CASP9: variants seen among roughly 807,000 people sequenced by gnomAD.
The protein encoded by CASP9 is caspase-9.
In CASP9, 29 loss-of-function variants were observed where a neutral mutation model predicts 43.5. The observed-to-expected ratio is 0.67, with a 90% CI of 0.50 to 0.91. CASP9 has a LOEUF of 0.91. Among genes scored for constraint, CASP9 ranks in the 40% least tolerant of loss-of-function variants. CASP9 has a pLI of 0.00. For synonymous variants in CASP9, 206 were observed against 211.9 expected (o/e 0.97, Z 0.24); for missense variants, 575 against 537.4 (o/e 1.07, Z -0.69).
At chr1:15,515,435 G>A (rs79699805) in intron 2 of CASP9, among the ~76,000 whole-genome samples, 3,393 of 152,204 alleles carry the variant, frequency 0.022, 138 homozygotes, top group African/African-American at 0.077. Context: ...ACCATGCAAT[G>A]GTCCACCAGG....
rs1709580248 is a variant in CASP9, at chr1:15,507,735, G to A, written c.453+138C>T. The A allele has an allele frequency of 2.0e-5, 15 of 751,718 alleles. No homozygotes were observed. The South Asian group carries it at 2.5e-4, about 12-fold the overall frequency. 46.6% of individuals were successfully genotyped at this position (751,718 alleles called of 1,614,324 possible). A position where few individuals can be genotyped will look rare whatever the true frequency, so the allele number is the denominator to read the frequency against. ...GCAGGCGCTGGGCCGGAGTCAGGGA[G>A]GCTGAGACCAGACCCCCACTGCACT... On this transcript the variant is annotated intron_variant, in intron 3 of 8. Transcript: ENST00000333868.
chr1:15,509,460 CAAAAA>C (rs563284288), intron 2 of CASP9, among the ~76,000 whole-genome samples: 1 of 105,668 alleles, frequency 9.5e-6, no homozygotes, highest in Non-Finnish European at 1.9e-5. Context: ...ACTAAAAATA[CAAAAA>C]AAAAAAAAAA....
chr1:15,521,343 T>C (rs1710191104), intron 1 of CASP9, among the ~76,000 whole-genome samples: 1 of 151,792 alleles, frequency 6.6e-6, no homozygotes, highest in Non-Finnish European at 1.5e-5. Flanking sequence ...ACCAGCTTCT[T>C]GTGGGAGGCT....
chr1:15,522,556 T>A (rs933705), intron 1 of CASP9, among the ~76,000 whole-genome samples: 87,798 of 151,650 alleles, frequency 0.58, 25,935 homozygotes, highest in African/African-American at 0.68. Flanking sequence ...AAAAAAAAAA[T>A]TTTTTTTAAT....
intron 1 of CASP9, among the ~76,000 whole-genome samples, chr1:15,522,689 T>C (rs1012200659): frequency 3.3e-5 from 5 of 152,238 alleles, no homozygotes; most frequent in Admixed American, 2.6e-4. Flanking sequence ...CACTCCAGGC[T>C]GGGCAAGAGT....
chr1:15,494,808 AC>A (rs1197921534), intron 7 of CASP9, among the ~76,000 whole-genome samples: 2 of 135,252 alleles, frequency 1.5e-5, no homozygotes, highest in Admixed American at 8.1e-5. Flanking sequence ...GCTTGCAGTG[AC>A]CCAAGATCGC....
At chr1:15,501,457 G>A (rs1275405372) in intron 6 of CASP9, among the ~76,000 whole-genome samples, 1 of 151,932 alleles carries the variant, frequency 6.6e-6, no homozygotes, top group Non-Finnish European at 1.5e-5. Flanking sequence ...GTATTATAGT[G>A]AGTTATAAAA....
chr1:15,518,561 C>G (rs1379752623), intron 1 of CASP9, among the ~76,000 whole-genome samples, 166 bp from the exon 2 acceptor site: 1 of 152,188 alleles, frequency 6.6e-6, no homozygotes, highest in African/African-American at 2.4e-5. Flanking sequence ...CTGATCTGTT[C>G]ATTATTTTGC....
At chr1:15,517,248 G>A (rs1570868350) in intron 2 of CASP9, among the ~76,000 whole-genome samples, 1 of 152,078 alleles carries the variant, frequency 6.6e-6, no homozygotes, top group East Asian at 1.9e-4. Context: ...AAATTAAAAA[G>A]AATGAACTAC....
At chr1:15,509,202 C>G (rs573806245) in intron 2 of CASP9, among the ~76,000 whole-genome samples, 32 of 152,144 alleles carry the variant, frequency 2.1e-4, no homozygotes, top group Non-Finnish European at 3.7e-4. Context: ...TATTATACTT[C>G]CACTCTGAAC....
At chr1:15,498,061 T>C (rs996344105) in intron 6 of CASP9, among the ~76,000 whole-genome samples, 3 of 152,066 alleles carry the variant, frequency 2.0e-5, no homozygotes, top group Non-Finnish European at 4.4e-5. Flanking sequence ...TGGTTTTTTG[T>C]TTTGTTTTGG....
chr1:15,518,863 GTTTT>G (rs1415356955), intron 1 of CASP9, among the ~76,000 whole-genome samples: 2 of 122,804 alleles, frequency 1.6e-5, no homozygotes, highest in East Asian at 2.4e-4. Context: ...GAGTTTTTTG[GTTTT>G]GTTTTTGTTT....
At position 15,491,998 on chromosome 1, in the gene CASP9, C is replaced by T. The variant is rs1471959914; in HGVS notation, c.*945G>A. ...TTCCCTTGGACAAGAGACCTAACCTCCCTGAGCACAGGGTTCTCACCCTTG... is the reference window on the plus strand; with the variant it reads ...TTCCCTTGGACAAGAGACCTAACCTTCCTGAGCACAGGGTTCTCACCCTTG... On this transcript the variant is annotated 3_prime_UTR_variant, in exon 9 of 9. Coordinates refer to ENST00000333868, the MANE Select transcript of CASP9 (RefSeq NM_001229.5). The T allele has an allele frequency of 6.6e-6, 1 of 152,460 alleles. No homozygotes were observed. Among genetic ancestry groups the T allele is most frequent in the African/African-American group, 2.4e-5 (1 of 41,406 alleles). 9.4% of individuals were successfully genotyped at this position (152,460 alleles called of 1,614,324 possible).
intron 2 of CASP9, among the ~76,000 whole-genome samples, chr1:15,512,724 G>T (rs749210202): frequency 5.9e-5 from 9 of 152,150 alleles, no homozygotes; most frequent in African/African-American, 2.2e-4. Flanking sequence ...ATATATCCGT[G>T]TGTGTATGTG....
intron 1 of CASP9, among the ~76,000 whole-genome samples, chr1:15,522,546 A>C (rs894826113): frequency 6.6e-6 from 1 of 151,276 alleles, no homozygotes; most frequent in Non-Finnish European, 1.5e-5. Flanking sequence ...CTATCTGTAC[A>C]AAAAAAAAAT....
chr1:15,500,602 A>AG (rs1483318118), intron 6 of CASP9, among the ~76,000 whole-genome samples: 1 of 152,124 alleles, frequency 6.6e-6, no homozygotes, highest in East Asian at 1.9e-4. Context: ...CAGCCTCCAA[A>AG]GGGGGGCCTC....
intron 6 of CASP9, 77 bp downstream of exon 6, chr1:15,504,534 G>A (rs1295557961): frequency 2.6e-5 from 38 of 1,474,186 alleles, no homozygotes; most frequent in Middle Eastern, 2.5e-4. Context: ...CCCTGTGAGG[G>A]GCAGGCTGGA....
rs377288490 is a variant in CASP9, at chr1:15,524,121, T to A, written c.80A>T (p.Asp27Val). 5.8e-6 allele frequency: 9 copies of A among 1,541,152 alleles called. No individual in the cohort carries two copies. The highest frequency in any genetic ancestry group is 7.0e-6 in the Non-Finnish European group (8 of 1,148,126). ...GAACAGCTCGCGGCTCAGCAGGGCG[T>A]CCCAGAGCTGGTCCACCTGCAGCTC... ...VEELQVDQLWDALLSRELFRP... is the reference protein window; with the variant it reads ...VEELQVDQLWVALLSRELFRP... Residue 27 changes from aspartate to valine, a missense_variant, in exon 1 of 9, where the codon GAC (aspartate) becomes GTC (valine). Transcript: ENST00000333868.
At chr1:15,496,647 T>C (rs1336553621) in intron 6 of CASP9, among the ~76,000 whole-genome samples, 1 of 152,202 alleles carries the variant, frequency 6.6e-6, no homozygotes, top group African/African-American at 2.4e-5. Context: ...AATGGTTCCA[T>C]TGACAATAGC....
Sources: allele counts gnomAD v4.1 joint callset (sites outside exome capture counted in the v4.1 genomes callset), GRCh38; gene constraint gnomAD v4.1.1; transcripts MANE v1.5; gene names NCBI Gene and HGNC (gene_info 2026-07-23, HGNC 2026-07-21).